The following SLC6A9 variants were observed in gnomAD, a reference collection of about 807,000 sequenced individuals.
SLC6A9 encodes the protein solute carrier family 6 member 9, also known as sodium- and chloride-dependent glycine transporter 1.
Under a neutral mutation model 70.9 loss-of-function variants are expected in SLC6A9, and 31 were observed. The ratio of observed to expected loss-of-function variants is 0.44; its 90% CI spans 0.33 to 0.59. The LOEUF (loss-of-function observed/expected upper bound fraction) is 0.59. Among genes scored for constraint, SLC6A9 ranks in the 20% least tolerant of loss-of-function variants. SLC6A9 has a pLI of 0.04. For synonymous variants in SLC6A9, 310 were observed against 341.3 expected (o/e 0.91, Z 1.01); for missense variants, 631 against 845.2 (o/e 0.75, Z 3.14).
At chr1:44,028,149 T>A (rs2087016206) in intron 1 of SLC6A9, among the ~76,000 whole-genome samples, 1 of 151,952 alleles carries the variant, frequency 6.6e-6, no homozygotes, top group Admixed American at 6.6e-5. Flanking sequence ...GTGGCAATAA[T>A]GAGGAAGAGA....
Position 44,002,178 on chromosome 1 carries a change from C to T in SLC6A9, c.962+135G>A. ...CTCCTCATTCTCCAACAACTTTATC[C>T]AGAACCAGTATTCCCAGAACCTCAA... On this transcript the variant is annotated intron_variant, in intron 8 of 13. Coordinates refer to ENST00000372310, the MANE Select transcript of SLC6A9 (RefSeq NM_001024845.3). This position sits in a 1 kb window ranked among gnomAD's most constrained non-coding sequence, Gnocchi z 5.5. The T allele has an allele frequency of 1.5e-6, 1 of 670,496 alleles. No individual in the cohort carries two copies. Among genetic ancestry groups the T allele is most frequent in the Non-Finnish European group, 2.7e-6 (1 of 365,932 alleles). The allele number at this position is 670,496 out of a possible 1,614,324, so 41.5% of individuals were successfully genotyped here. A position where few individuals can be genotyped will look rare whatever the true frequency, so the allele number is the denominator to read the frequency against.
rs2086825530 is a variant in SLC6A9 at position 44,018,697 on chromosome 1, G to A, written c.30+5551C>T. Among the ~76,000 whole-genome samples, 1 of 151,966 alleles carries A rather than the reference G, an allele frequency of 6.6e-6. No homozygotes were observed. The highest frequency in any genetic ancestry group is 2.1e-4 in the South Asian group (1 of 4,812). ...TTAGGCCTGTAATGCCAGTGCTTTGGGAAGCCAAGGCAGGAGGGTCGCTTG... is the reference window on the plus strand; with the variant it reads ...TTAGGCCTGTAATGCCAGTGCTTTGAGAAGCCAAGGCAGGAGGGTCGCTTG... On this transcript the variant is annotated intron_variant, in intron 2 of 13. Transcript: ENST00000372310. The surrounding 1 kb of genome is among the most constrained non-coding windows in gnomAD (Gnocchi z 4.2).
chr1:44,010,067 G>C lies in SLC6A9; in HGVS notation c.217C>G (p.Leu73Val). ...GAFMFPYFIM[L>V]IFCGIPLFFM... ...AAGAGGGGGATCCCGCAGAAGATGA[G>C]CATGATGAAGTAGGGGAACATGAAG... The change falls in exon 4 of 14, where the codon CTC becomes GTC. Residue 73 changes from leucine (L) to valine (V), a missense_variant. Coordinates refer to ENST00000372310, the MANE Select transcript of SLC6A9 (RefSeq NM_001024845.3). 5.0e-6 allele frequency: 8 copies of C among 1,614,096 alleles called. No individual in the cohort carries two copies. Among genetic ancestry groups the C allele is most frequent in the Non-Finnish European group, 6.8e-6 (8 of 1,179,974 alleles).
At chr1:44,017,760 C>T (rs909186388) in intron 2 of SLC6A9, among the ~76,000 whole-genome samples, 1 of 152,242 alleles carries the variant, frequency 6.6e-6, no homozygotes, top group Non-Finnish European at 1.5e-5. Context: ...TGCAAGAAAG[C>T]CCTGGCCTAG....
At position 44,013,380 on chromosome 1, in the gene SLC6A9, A is replaced by G. The variant is rs2086637918; in HGVS notation, c.31-2498T>C. Among the ~76,000 whole-genome samples, 1 of 152,240 alleles carries G rather than the reference A, an allele frequency of 6.6e-6. No homozygotes were observed. The highest frequency in any genetic ancestry group is 1.9e-4 in the East Asian group (1 of 5,198). On this transcript the variant is annotated intron_variant, in intron 2 of 13. Coordinates refer to ENST00000372310, the MANE Select transcript of SLC6A9 (RefSeq NM_001024845.3). This position sits in a 1 kb window ranked among gnomAD's most constrained non-coding sequence, Gnocchi z 5.3. ...ATGCTTCCAGCCACGTGCCACAGAC[A>G]GCCGCCTGCCTGAGCCCTCAAGAGC...
chr1:44,007,690 G>C (rs2086367698), intron 5 of SLC6A9, among the ~76,000 whole-genome samples: 1 of 152,160 alleles, frequency 6.6e-6, no homozygotes, highest in Admixed American at 6.5e-5. Flanking sequence ...ACTCTCATCA[G>C]AGTAGGCTCC....
At chr1:44,009,451 C>T (rs113551349) in intron 4 of SLC6A9, among the ~76,000 whole-genome samples, 29,999 of 152,152 alleles carry the variant, frequency 0.2, 3,996 homozygotes, top group Middle Eastern at 0.29. Flanking sequence ...TCTTGATCTC[C>T]TGACCTTGTG....
chr1:44,013,686 G>A lies in SLC6A9; in HGVS notation c.31-2804C>T, dbSNP rs1357781578. 6.6e-6 allele frequency among the ~76,000 whole-genome samples: 1 copy of A among 152,254 alleles called. No homozygotes were observed. The highest frequency in any genetic ancestry group is 1.5e-5 in the Non-Finnish European group (1 of 68,014). ...CAACTCCAGGGCTGTCTACGCTCAG[G>A]TGGCTTGGCTGGGGAGGGCTGAGCT... On this transcript the variant is annotated intron_variant, in intron 2 of 13. Coordinates refer to ENST00000372310, the MANE Select transcript of SLC6A9 (RefSeq NM_001024845.3). The surrounding 1 kb of genome is among the most constrained non-coding windows in gnomAD (Gnocchi z 5.3).
chr1:44,003,289 T>C (rs1440494805), intron 5 of SLC6A9, among the ~76,000 whole-genome samples: 2 of 152,252 alleles, frequency 1.3e-5, no homozygotes, highest in Admixed American at 6.5e-5. Flanking sequence ...GGAGATCTCC[T>C]TGTCCCCAGT....
In SLC6A9 at chr1:43,997,339, C is replaced by G. The variant is rs2085899825; in HGVS notation, c.*206G>C. 5.2e-6 allele frequency: 3 copies of G among 580,270 alleles called. No homozygotes were observed. The highest frequency in any genetic ancestry group is 5.9e-5 in the East Asian group (2 of 33,948). The allele number at this position is 580,270 out of a possible 1,614,324, so 35.9% of individuals were successfully genotyped here. On this transcript the variant is annotated 3_prime_UTR_variant, in exon 14 of 14. Coordinates refer to ENST00000372310, the MANE Select transcript of SLC6A9 (RefSeq NM_001024845.3). The surrounding 1 kb of genome is among the most constrained non-coding windows in gnomAD (Gnocchi z 4.4). ...GCAACCCTCCACTCCCACCCCTCCC[C>G]CCAGCTGCTATCTTGGCATCCAAAG...
intron 2 of SLC6A9, among the ~76,000 whole-genome samples, chr1:44,017,794 G>T (rs2154306935): frequency 6.6e-6 from 1 of 152,384 alleles, no homozygotes; most frequent in East Asian, 1.9e-4. Flanking sequence ...CAGCTGTCTG[G>T]ACAAAGATGG....
chr1:44,011,643 G>C (rs1380028624), intron 2 of SLC6A9: 16 of 1,613,782 alleles, frequency 9.9e-6, no homozygotes, highest in Admixed American at 1.7e-5. Context: ...TTTGAGGACA[G>C]ACTCTGCTAG....
chr1:44,017,014 G>A, intron 2 of SLC6A9: 1 of 1,563,870 alleles, frequency 6.4e-7, no homozygotes, highest in Non-Finnish European at 8.6e-7. Flanking sequence ...CTGGCACCAA[G>A]GAGGGGGCTC....
In SLC6A9 at chr1:44,010,821, C is replaced by T. The variant is rs200404992; in HGVS notation, c.92G>A (p.Gly31Asp). 6.2e-7 allele frequency: 1 copy of T among 1,614,156 alleles called. No homozygotes were observed. Among genetic ancestry groups the T allele is most frequent in the Admixed American group, 1.7e-5 (1 of 60,018 alleles). The change falls in exon 3 of 14, where the codon GGC becomes GAC. Residue 31 changes from glycine to aspartate, a missense_variant. Physicochemically the swap from Gly to Asp is moderately conservative, Grantham distance 94 (BLOSUM62 -1). Transcript: ENST00000372310. ...CGTCAGTACAAACTCGATCTGGTTG[C>T]CCCAGTTGCCCCGTTTGAGGTTCTG... ...RDQNLKRGNW[G>D]NQIEFVLTSV...
At chr1:44,020,263 C>T (rs923998459) in intron 2 of SLC6A9, among the ~76,000 whole-genome samples, 1 of 152,192 alleles carries the variant, frequency 6.6e-6, no homozygotes, top group Non-Finnish European at 1.5e-5. Context: ...CCACCGTGTG[C>T]CAAATCCGAT....
chr1:44,000,761 A>T lies in SLC6A9; in HGVS notation c.1536+6T>A. 6.3e-7 allele frequency: 1 copy of T among 1,582,796 alleles called. No individual in the cohort carries two copies. Among genetic ancestry groups the T allele is most frequent in the Non-Finnish European group, 8.6e-7 (1 of 1,157,446 alleles). ...GGGGAAGGGAGGGGCCGGCCAGGGA[A>T]CTCACGAAGATGATGGCGGGAGAGA... On this transcript the variant is annotated splice_donor_region_variant and intron_variant, in intron 12 of 13. Coordinates refer to ENST00000372310, the MANE Select transcript of SLC6A9 (RefSeq NM_001024845.3).
In SLC6A9 at chr1:44,002,436, G is replaced by C. The variant is rs550860020; in HGVS notation, c.859-20C>G. ...CCACACCTGCAGGGAAGGACCGGTG[G>C]GTGAGGAGCTGTGGGCAGAGGCAGG... On this transcript the variant is annotated intron_variant, in intron 7 of 13. Transcript: ENST00000372310. This position sits in a 1 kb window ranked among gnomAD's most constrained non-coding sequence, Gnocchi z 5.5. The C allele has an allele frequency of 2.5e-6, 4 of 1,613,150 alleles. No homozygotes were observed. The highest frequency in any genetic ancestry group is 2.5e-6 in the Non-Finnish European group (3 of 1,179,260).
chr1:44,025,735 G>T (rs1571919732), intron 1 of SLC6A9, among the ~76,000 whole-genome samples: 1 of 152,130 alleles, frequency 6.6e-6, no homozygotes, highest in East Asian at 1.9e-4. Context: ...GGGAGGCAGA[G>T]GTTGCAGTGA....
intron 2 of SLC6A9, among the ~76,000 whole-genome samples, chr1:44,019,557 C>T (rs981672417): frequency 7.9e-5 from 12 of 152,280 alleles, no homozygotes; most frequent in East Asian, 1.9e-4. Flanking sequence ...TCACTTGCAC[C>T]GAGGGTGGGC....
Sources: gnomAD v4.1 joint callset for allele counts (sites outside exome capture counted in the v4.1 genomes callset) on GRCh38, gnomAD v4.1.1 for gene constraint, Gnocchi (gnomAD v3.1) non-coding constraint, MANE v1.5 for transcripts, NCBI Gene and HGNC (gene_info 2026-07-23, HGNC 2026-07-21) for gene names.